Variants in CACNA2D1 observed in about 807,000 individuals in gnomAD.
The protein encoded by CACNA2D1 is voltage-dependent calcium channel subunit alpha-2/delta-1.
In CACNA2D1, 53 loss-of-function variants were observed where a neutral mutation model predicts 171.5. The observed-to-expected ratio is 0.31, with a 90% confidence interval of 0.25 to 0.39. The LOEUF is 0.39. CACNA2D1 is among the 10% of genes least tolerant of loss of function. CACNA2D1 has a pLI of 1.00. For missense variants in CACNA2D1, 903 were observed against 1,299.8 expected (o/e 0.69, Z 4.69); for synonymous variants, 442 against 443.1 (o/e 1.00, Z 0.03).
chr7:82,227,476 C>T (rs1367344599), intron 3 of CACNA2D1, among the ~76,000 whole-genome samples: 1 of 152,166 alleles, frequency 6.6e-6, no homozygotes, highest in Non-Finnish European at 1.5e-5. Context: ...GTTTAGGAAG[C>T]TATTAAAATT....
intron 3 of CACNA2D1, among the ~76,000 whole-genome samples, chr7:82,208,291 T>C (rs889955758): frequency 1.3e-5 from 2 of 152,188 alleles, no homozygotes; most frequent in Non-Finnish European, 2.9e-5. Flanking sequence ...TTAGGTTCTA[T>C]TTTCTACAGG....
At position 81,970,680 on chromosome 7, in the gene CACNA2D1, G is replaced by T; in HGVS notation, c.2199C>A (p.Pro733=). 1 of 1,554,998 alleles carries T rather than the reference G, an allele frequency of 6.4e-7. No homozygotes were observed. Among genetic ancestry groups the T allele is most frequent in the Non-Finnish European group, 8.9e-7 (1 of 1,126,712 alleles). ...CAGATGTTATTTGAACTTACTCTTT[G>T]GGATAAACTCTGGTAATCCCACCAT... ...VTDGGITRVY[P]KEAGENWQEN... The change falls in exon 27 of 39, where the codon CCC becomes CCA. Residue 733 remains proline (P), a synonymous_variant. Coordinates refer to ENST00000356860, the MANE Select transcript of CACNA2D1 (RefSeq NM_000722.4).
chr7:82,385,180 G>A (rs184506668), intron 1 of CACNA2D1, among the ~76,000 whole-genome samples: 11 of 152,170 alleles, frequency 7.2e-5, no homozygotes, highest in South Asian at 2.1e-4. Flanking sequence ...TGCTGTGCTC[G>A]TCTGTCCCTT....
At chr7:81,995,223 T>C (rs1169740269) in intron 19 of CACNA2D1, among the ~76,000 whole-genome samples, 4 of 152,170 alleles carry the variant, frequency 2.6e-5, no homozygotes, top group African/African-American at 9.7e-5. Context: ...TTCAATTATA[T>C]TATGGCTAGC....
intron 3 of CACNA2D1, among the ~76,000 whole-genome samples, chr7:82,293,060 T>C (rs527384079): frequency 4.5e-4 from 68 of 152,202 alleles, no homozygotes; most frequent in African/African-American, 1.5e-3. Context: ...TTCTATTTTT[T>C]ATTTCTTTGC....
intron 12 of CACNA2D1, among the ~76,000 whole-genome samples, chr7:82,017,908 C>T (rs953374759): frequency 5.3e-5 from 8 of 152,030 alleles, no homozygotes; most frequent in East Asian, 1.9e-4. Context: ...CAGGCTAAGG[C>T]GACTTTTGTG....
intron 4 of CACNA2D1, among the ~76,000 whole-genome samples, chr7:82,165,711 G>T (rs530403534): frequency 6.6e-6 from 1 of 151,804 alleles, no homozygotes; most frequent in South Asian, 2.1e-4. Flanking sequence ...CTATCTTTAT[G>T]ATGAAGATAA....
rs755892764 is a variant in CACNA2D1, at chr7:81,991,172, T to C, written c.1796+13A>G. 4 of 1,270,654 alleles carry C rather than the reference T, an allele frequency of 3.1e-6. No homozygotes were observed. In the South Asian group the frequency reaches 3.6e-5, roughly 11 times the overall value. The allele number at this position is 1,270,654 out of a possible 1,614,324, so 78.7% of individuals were successfully genotyped here. ...ATTGGAATACACAATACACATAAAATACAGTTAATTACCTGTAATCTGTGC... is the reference window on the plus strand; with the variant it reads ...ATTGGAATACACAATACACATAAAACACAGTTAATTACCTGTAATCTGTGC... On this transcript the variant is annotated intron_variant, in intron 21 of 38. Transcript: ENST00000356860.
intron 3 of CACNA2D1, among the ~76,000 whole-genome samples, chr7:82,188,660 G>A (rs1189007671): frequency 6.6e-6 from 1 of 152,034 alleles, no homozygotes; most frequent in Non-Finnish European, 1.5e-5. Flanking sequence ...CCAGTAATCT[G>A]ATTTTTGGGT....
At chr7:82,364,000 G>A (rs953630319) in intron 1 of CACNA2D1, among the ~76,000 whole-genome samples, 3 of 152,146 alleles carry the variant, frequency 2.0e-5, no homozygotes, top group African/African-American at 7.2e-5. Flanking sequence ...TTGGGAGGCC[G>A]AGGTGGACAG....
At chr7:82,134,679 T>C (rs369051030) in intron 5 of CACNA2D1, among the ~76,000 whole-genome samples, 1 of 152,144 alleles carries the variant, frequency 6.6e-6, no homozygotes. Flanking sequence ...ACAGTAGTAG[T>C]AGATACTATT....
chr7:82,332,084 G>A (rs987370624), intron 3 of CACNA2D1, among the ~76,000 whole-genome samples: 2 of 151,092 alleles, frequency 1.3e-5, no homozygotes, highest in Non-Finnish European at 2.9e-5. Flanking sequence ...TTTTTGAGAC[G>A]GAGTCTTGCT....
At chr7:82,206,775 C>T (rs1261670388) in intron 3 of CACNA2D1, among the ~76,000 whole-genome samples, 1 of 152,052 alleles carries the variant, frequency 6.6e-6, no homozygotes, top group South Asian at 2.1e-4. Flanking sequence ...TAACAACTAA[C>T]AGGATATACA....
intron 5 of CACNA2D1, among the ~76,000 whole-genome samples, chr7:82,128,782 G>A (rs1790631231): frequency 6.6e-6 from 1 of 152,102 alleles, no homozygotes; most frequent in Non-Finnish European, 1.5e-5. Flanking sequence ...TATGAAGGCT[G>A]CTACTACTTC....
At position 81,967,196 on chromosome 7, in the gene CACNA2D1, T is replaced by A; in HGVS notation, c.2475A>T (p.Pro825=). 6.2e-7 allele frequency: 1 copy of A among 1,608,692 alleles called. No homozygotes were observed. Among genetic ancestry groups the A allele is most frequent in the South Asian group, 1.1e-5 (1 of 90,726 alleles). Residue 825 remains proline, a synonymous_variant, in exon 31 of 39, where the codon CCA becomes CCT. Transcript: ENST00000356860. The part of the protein sequence containing the change: ...KTSIRDPCAG[P]VCDCKRNSDV... The stretch of plus-strand genomic sequence containing the variant: ...CACTGTTTCTTTTGCAGTCACAAAC[T>A]GGACCAGCACACTGAAAGACAAAAA...
At chr7:82,181,041 A>ATTTTTTTTTTTTTTGTTTTTTTTTTTT (rs1797078251) in intron 3 of CACNA2D1, among the ~76,000 whole-genome samples, 1 of 13,942 alleles carries the variant, frequency 7.2e-5, no homozygotes, top group Non-Finnish European at 1.5e-4. Context: ...GGCATGTCGG[A>ATTTTTTTTTTTTTTGTTTTTTTTTTTT]TTTTTTTTTT....
At chr7:82,147,065 T>C (rs1453299422) in intron 4 of CACNA2D1, among the ~76,000 whole-genome samples, 1 of 142,404 alleles carries the variant, frequency 7.0e-6, no homozygotes, top group African/African-American at 2.6e-5. Context: ...CACACATACC[T>C]GCACACATAC....
intron 24 of CACNA2D1, among the ~76,000 whole-genome samples, chr7:81,975,551 T>A (rs1795754104): frequency 6.6e-6 from 1 of 152,154 alleles, no homozygotes; most frequent in African/African-American, 2.4e-5. Context: ...TGTTTATTTG[T>A]AATTCATTGA....
intron 15 of CACNA2D1, among the ~76,000 whole-genome samples, chr7:82,011,283 A>C (rs2130918794): frequency 6.6e-6 from 1 of 152,274 alleles, no homozygotes; most frequent in Non-Finnish European, 1.5e-5. Context: ...AGATTTTTAA[A>C]AAAGCAAAAA....
Sources: allele counts gnomAD v4.1 joint callset (sites outside exome capture counted in the v4.1 genomes callset), GRCh38; gene constraint gnomAD v4.1.1; transcripts MANE v1.5; gene names NCBI Gene and HGNC (gene_info 2026-07-23, HGNC 2026-07-21).